The following SLC14A2 variants were observed in gnomAD, a reference collection of about 807,000 sequenced individuals.
SLC14A2 encodes the protein solute carrier family 14 member 2.
Under a neutral mutation model 104.6 loss-of-function variants are expected in SLC14A2, and 91 were observed. The observed-to-expected ratio is 0.87, with a 90% CI of 0.73 to 1.04. SLC14A2 has a LOEUF of 1.04. Among genes scored for constraint, SLC14A2 ranks in the 50% least tolerant of loss-of-function variants. The pLI, the probability that SLC14A2 is intolerant of heterozygous loss-of-function variation, is 0.00. For missense variants in SLC14A2, 1,189 were observed against 1,156.0 expected (o/e 1.03, Z -0.41); for synonymous variants, 476 against 466.4 (o/e 1.02, Z -0.27).
intron 1 of SLC14A2, among the ~76,000 whole-genome samples, chr18:45,414,186 A>G (rs1328315076): frequency 6.6e-6 from 1 of 152,184 alleles, no homozygotes; most frequent in African/African-American, 2.4e-5. Context: ...GTGGTGAATG[A>G]GCTTTGACCT....
At chr18:45,374,903 A>C (rs1246518780) in intron 1 of SLC14A2, among the ~76,000 whole-genome samples, 1 of 152,208 alleles carries the variant, frequency 6.6e-6, no homozygotes, top group East Asian at 1.9e-4. Flanking sequence ...GCTAAGACAC[A>C]ACCCCTGGGT....
intron 10 of SLC14A2, among the ~76,000 whole-genome samples, chr18:45,653,587 C>T (rs1054047762): frequency 6.6e-6 from 1 of 152,112 alleles, no homozygotes; most frequent in African/African-American, 2.4e-5. Context: ...GCCCCCAGAC[C>T]CTATGGCCTC....
chr18:45,622,516 G>A (rs1366820012), intron 1 of SLC14A2, among the ~76,000 whole-genome samples: 3 of 152,184 alleles, frequency 2.0e-5, no homozygotes, highest in Admixed American at 6.5e-5. Flanking sequence ...GGCTGGAAAT[G>A]TGAGTTTTGA....
the SLC14A2 span, among the ~76,000 whole-genome samples, chr18:45,172,565 A>C: frequency 6.6e-6 from 1 of 152,132 alleles, no homozygotes; most frequent in Non-Finnish European, 1.5e-5. Context: ...GGTGTCTTCC[A>C]TTTGTATAGC....
At chr18:45,556,202 T>C (rs768311336) in intron 2 of SLC14A2, among the ~76,000 whole-genome samples, 1 of 152,188 alleles carries the variant, frequency 6.6e-6, no homozygotes, top group African/African-American at 2.4e-5. Flanking sequence ...CTTTCCTTCG[T>C]TACTGAATCA....
intron 16 of SLC14A2, among the ~76,000 whole-genome samples, chr18:45,672,516 C>T (rs537429584): frequency 1.4e-4 from 20 of 148,092 alleles, no homozygotes; most frequent in African/African-American, 4.0e-4. Flanking sequence ...GCAACAAGAG[C>T]GAAACTCCAT....
intron 2 of SLC14A2, among the ~76,000 whole-genome samples, chr18:45,509,377 TTC>T (rs2043333078): frequency 6.6e-6 from 1 of 152,162 alleles, no homozygotes; most frequent in Non-Finnish European, 1.5e-5. Context: ...TCCTGTGGTT[TTC>T]TCTCTCGCTA....
chr18:45,651,299 T>G (rs1020878307), intron 10 of SLC14A2, among the ~76,000 whole-genome samples: 2 of 152,118 alleles, frequency 1.3e-5, no homozygotes, highest in Admixed American at 1.3e-4. Context: ...CATGCCAAGA[T>G]GAGGCCAAGC....
intron 17 of SLC14A2, 143 bp from the exon 18 acceptor site, chr18:45,673,540 A>T: frequency 1.2e-6 from 1 of 856,390 alleles, no homozygotes. Context: ...GTTTTTTCAC[A>T]GAATAAAGCC....
At chr18:45,606,834 AG>A (rs2044880381) in intron 2 of SLC14A2, among the ~76,000 whole-genome samples, 1 of 151,946 alleles carries the variant, frequency 6.6e-6, no homozygotes, top group South Asian at 2.1e-4. Flanking sequence ...GGGTATAGTA[AG>A]GTACACTAGG....
At chr18:45,606,728 T>A (rs1416528228) in intron 2 of SLC14A2, among the ~76,000 whole-genome samples, 1 of 138,870 alleles carries the variant, frequency 7.2e-6, no homozygotes, top group Non-Finnish European at 1.5e-5. Flanking sequence ...ACTGACAAAG[T>A]CTAATTAAAA....
intron 2 of SLC14A2, among the ~76,000 whole-genome samples, chr18:45,574,623 G>A (rs538044134): frequency 3.3e-5 from 5 of 152,348 alleles, no homozygotes; most frequent in African/African-American, 9.6e-5. Flanking sequence ...AGTACATATG[G>A]AAGCTGACAT....
At chr18:45,176,371 C>T in the SLC14A2 span, among the ~76,000 whole-genome samples, 3 of 152,122 alleles carry the variant, frequency 2.0e-5, no homozygotes, top group Non-Finnish European at 4.4e-5. Flanking sequence ...CAGTCTAATT[C>T]CAGAGTCTTT....
intron 2 of SLC14A2, among the ~76,000 whole-genome samples, chr18:45,514,499 A>T (rs145637624): frequency 2.1e-4 from 32 of 152,336 alleles, no homozygotes; most frequent in Admixed American, 1.0e-3. Flanking sequence ...CATAGAGCCA[A>T]ACCATATCAG....
chr18:45,366,472 A>G (rs2085666791), intron 1 of SLC14A2, among the ~76,000 whole-genome samples: 1 of 152,210 alleles, frequency 6.6e-6, no homozygotes. Flanking sequence ...ACCTACAAAA[A>G]GACAGTGTGC....
intron 1 of SLC14A2, among the ~76,000 whole-genome samples, chr18:45,298,824 C>T (rs920291814): frequency 1.3e-5 from 2 of 152,062 alleles, no homozygotes; most frequent in Non-Finnish European, 2.9e-5. Context: ...ACCTTGTGCC[C>T]CCAAAGACCT....
At chr18:45,522,792 C>G (rs1333609577) in intron 2 of SLC14A2, among the ~76,000 whole-genome samples, 1 of 152,094 alleles carries the variant, frequency 6.6e-6, no homozygotes, top group Non-Finnish European at 1.5e-5. Flanking sequence ...TCATTGGATT[C>G]CCCAATTCTT....
At chr18:45,658,412 C>G (rs2045879504) in intron 10 of SLC14A2, among the ~76,000 whole-genome samples, 2 of 152,076 alleles carry the variant, frequency 1.3e-5, no homozygotes, top group Admixed American at 6.5e-5. Flanking sequence ...GAAACCTTGT[C>G]TCTACTAAAA....
intron 2 of SLC14A2, among the ~76,000 whole-genome samples, chr18:45,530,894 C>T (rs1268235408): frequency 1.3e-5 from 2 of 152,058 alleles, no homozygotes; most frequent in East Asian, 1.9e-4. Flanking sequence ...GTTCCCCTTC[C>T]TATGTCCATG....
Sources: gnomAD v4.1 joint callset for allele counts (sites outside exome capture counted in the v4.1 genomes callset) on GRCh38, gnomAD v4.1.1 for gene constraint, MANE v1.5 for transcripts, NCBI Gene and HGNC (gene_info 2026-07-23, HGNC 2026-07-21) for gene names.